The following EML4 variants were observed in gnomAD, a reference collection of about 807,000 sequenced individuals.
EML4 encodes echinoderm microtubule-associated protein-like 4.
A neutral mutation model predicts 129.0 loss-of-function variants in EML4; 72 were observed. The observed-to-expected ratio is 0.56, with a 90% confidence interval of 0.46 to 0.68. EML4 has a LOEUF of 0.68. Ranked by LOEUF, EML4 falls within the 30% of genes least tolerant of loss-of-function variation. The pLI is 0.00. For synonymous variants in EML4, 532 were observed against 405.0 expected (o/e 1.31, Z -3.77); for missense variants, 1,363 against 1,190.6 (o/e 1.14, Z -2.13).
At position 42,303,166 on chromosome 2, in the gene EML4, A is replaced by G. The variant is rs1252782704; in HGVS notation, c.1704A>G (p.Val568=). Residue 568 remains valine (V), a synonymous_variant, in exon 15 of 23, where the codon GTA becomes GTG. Transcript: ENST00000318522. ...VAEGKADQFL[V]GTSRNFILRG... Reference sequence around the variant, plus strand: ...AAGGAAAGGCAGATCAATTTTTAGTAGGCACATCACGAAACTTTATTTTAC... The same window carrying G: ...AAGGAAAGGCAGATCAATTTTTAGTGGGCACATCACGAAACTTTATTTTAC... 2 of 1,614,110 alleles carry G rather than the reference A, an allele frequency of 1.2e-6. No homozygotes were observed. Among genetic ancestry groups the G allele is most frequent in the East Asian group, 2.2e-5 (1 of 44,866 alleles).
intron 1 of EML4, among the ~76,000 whole-genome samples, chr2:42,236,233 A>G (rs986707965): frequency 6.6e-6 from 1 of 152,210 alleles, no homozygotes; most frequent in Non-Finnish European, 1.5e-5. Context: ...TGTTCCTGAG[A>G]TTCAAAATGA....
At chr2:42,202,042 C>G (rs2103968865) in intron 1 of EML4, among the ~76,000 whole-genome samples, 1 of 151,160 alleles carries the variant, frequency 6.6e-6, no homozygotes, top group East Asian at 1.9e-4. Context: ...GAGATTGCAC[C>G]ACTGCACTCC....
chr2:42,262,012 T>G (rs1219680582), intron 4 of EML4, among the ~76,000 whole-genome samples: 1 of 152,022 alleles, frequency 6.6e-6, no homozygotes, highest in Non-Finnish European at 1.5e-5. Context: ...TCTAATTAAA[T>G]TTGCCTGTTT....
intron 1 of EML4, among the ~76,000 whole-genome samples, chr2:42,224,758 T>G (rs547952353): frequency 5.3e-4 from 81 of 152,266 alleles, no homozygotes; most frequent in South Asian, 2.5e-3. Context: ...TGGCATCTCA[T>G]TATGATTTTT....
intron 6 of EML4, among the ~76,000 whole-genome samples, chr2:42,273,822 A>G (rs992309242): frequency 1.3e-5 from 2 of 152,172 alleles, no homozygotes; most frequent in South Asian, 2.1e-4. Flanking sequence ...TTGGTTATCT[A>G]CATTTTATGA....
chr2:42,211,813 C>G (rs1014811703), intron 1 of EML4, among the ~76,000 whole-genome samples: 1 of 151,758 alleles, frequency 6.6e-6, no homozygotes, highest in Non-Finnish European at 1.5e-5. Flanking sequence ...TATTTTCTTC[C>G]CAGACACAAA....
chr2:42,292,463 A>G (rs78571808), intron 11 of EML4, among the ~76,000 whole-genome samples: 1,788 of 152,358 alleles, frequency 0.012, 15 homozygotes, highest in Non-Finnish European at 0.018. Flanking sequence ...GTACACCTAT[A>G]TGCACCAACA....
intron 1 of EML4, among the ~76,000 whole-genome samples, chr2:42,209,595 C>G (rs1672763194): frequency 6.6e-6 from 1 of 152,094 alleles, no homozygotes; most frequent in Non-Finnish European, 1.5e-5. Context: ...AAAACTATTA[C>G]TATTTTACTT....
intron 11 of EML4, among the ~76,000 whole-genome samples, chr2:42,293,984 T>A (rs1167583350): frequency 6.6e-6 from 1 of 152,232 alleles, no homozygotes; most frequent in East Asian, 1.9e-4. Context: ...ACATTAATGA[T>A]CACCCTGTAA....
chr2:42,248,377 G>GA (rs1675547186), intron 2 of EML4, among the ~76,000 whole-genome samples: 1 of 152,082 alleles, frequency 6.6e-6, no homozygotes, highest in African/African-American at 2.4e-5. Context: ...TTTAAAAATT[G>GA]CTTTTTTCCC....
intron 6 of EML4, among the ~76,000 whole-genome samples, chr2:42,269,734 G>A (rs1235217521): frequency 6.6e-6 from 1 of 152,158 alleles, no homozygotes; most frequent in Non-Finnish European, 1.5e-5. Context: ...CCTCTAGGCA[G>A]GAACTTTCTT....
chr2:42,244,650 A>G (rs1189944435), intron 1 of EML4, among the ~76,000 whole-genome samples: 1 of 152,172 alleles, frequency 6.6e-6, no homozygotes, highest in Non-Finnish European at 1.5e-5. Context: ...TGTTAATTAC[A>G]TAGCAATACC....
intron 3 of EML4, among the ~76,000 whole-genome samples, chr2:42,257,471 CATAG>C (rs1676226821): frequency 6.7e-6 from 1 of 149,580 alleles, no homozygotes; most frequent in South Asian, 2.1e-4. Context: ...GGTGTGGATT[CATAG>C]ATACTTAACC....
rs993366450 is a variant in EML4, at chr2:42,303,455, A to AGC, written c.1899+10_1899+11dup. ...GGACCAGGCTGGTAGATGTGAGTGA[A>AGC]GCAGGATGTGATTATTAACCTCCCC... On this transcript the variant is annotated intron_variant, in intron 16 of 22. Coordinates refer to ENST00000318522, the MANE Select transcript of EML4 (RefSeq NM_019063.5). The AGC allele has an allele frequency of 6.2e-7, 1 of 1,611,886 alleles. No individual in the cohort carries two copies. Among genetic ancestry groups the AGC allele is most frequent in the African/African-American group, 1.3e-5 (1 of 74,856 alleles).
At chr2:42,227,223 C>G (rs1483618617) in intron 1 of EML4, among the ~76,000 whole-genome samples, 1 of 152,150 alleles carries the variant, frequency 6.6e-6, no homozygotes, top group African/African-American at 2.4e-5. Context: ...GATCCTTCCA[C>G]CTCAGCCCCC....
In EML4 at chr2:42,214,719, G is replaced by A. The variant is rs571794099; in HGVS notation, c.26-30786G>A. On this transcript the variant is annotated intron_variant, in intron 1 of 22. Coordinates refer to ENST00000318522, the MANE Select transcript of EML4 (RefSeq NM_019063.5). Reference sequence around the variant, plus strand: ...GTCGTACCTTTTGCATGTCTGGTGCGTTAGCCGGGATGGCTGGAAGGCTAG... The same window carrying A: ...GTCGTACCTTTTGCATGTCTGGTGCATTAGCCGGGATGGCTGGAAGGCTAG... Among the ~76,000 whole-genome samples, 7 of 152,244 alleles carry A rather than the reference G, an allele frequency of 4.6e-5. No individual in the cohort carries two copies. In the South Asian group the frequency reaches 8.3e-4, roughly 18 times the overall value.
intron 1 of EML4, among the ~76,000 whole-genome samples, chr2:42,231,628 A>T: frequency 6.6e-6 from 1 of 152,122 alleles, no homozygotes; most frequent in East Asian, 1.9e-4. Context: ...TATTCCATCA[A>T]TTCTGTCTTG....
intron 11 of EML4, among the ~76,000 whole-genome samples, chr2:42,294,011 A>C (rs796484535): frequency 1.7e-4 from 26 of 152,356 alleles, no homozygotes; most frequent in African/African-American, 5.8e-4. Flanking sequence ...ACTAGCTAAT[A>C]ATAAGGAGCT....
intron 1 of EML4, among the ~76,000 whole-genome samples, chr2:42,181,366 A>G (rs758148701): frequency 5.2e-4 from 79 of 152,122 alleles, no homozygotes; most frequent in Non-Finnish European, 1.0e-3. Flanking sequence ...TGGTGCGATC[A>G]CGGCTCACCG....
Sources: allele counts gnomAD v4.1 joint callset (sites outside exome capture counted in the v4.1 genomes callset), GRCh38; gene constraint gnomAD v4.1.1; transcripts MANE v1.5; gene names NCBI Gene and HGNC (gene_info 2026-07-23, HGNC 2026-07-21).